Variants in SNAI3 observed in about 807,000 individuals in gnomAD.
SNAI3 encodes zinc finger protein SNAI3.
In SNAI3, 21 loss-of-function variants were observed where a neutral mutation model predicts 16.4. That is an observed-to-expected ratio of 1.28 (90% CI 0.91 to 1.85). SNAI3 has a LOEUF of 1.85. Among genes scored for constraint, SNAI3 ranks in the 40% most tolerant of loss-of-function variants. SNAI3 has a pLI of 0.00. For missense variants in SNAI3, 457 were observed against 372.8 expected (o/e 1.23, Z -1.86); for synonymous variants, 202 against 166.6 (o/e 1.21, Z -1.64).
In SNAI3 at chr16:88,681,500, G is replaced by T; in HGVS notation, c.291C>A (p.Ala97=). The part of the protein sequence containing the change: ...ALEVSEVDPR[A]SRAAIVPLKD... ...TGAGGGGTACAATGGCGGCCCGGCT[G>T]GCCCGAGGGTCGACCTCGCTGACTT... Residue 97 remains alanine (A), a synonymous_variant, in exon 2 of 3, where the codon GCC becomes GCA. Transcript: ENST00000332281. The surrounding 1 kb of genome is among the most constrained non-coding windows in gnomAD (Gnocchi z 5.4). The T allele has an allele frequency of 6.5e-7, 1 of 1,550,026 alleles. No homozygotes were observed. Among genetic ancestry groups the T allele is most frequent in the South Asian group, 1.2e-5 (1 of 82,680 alleles).
In SNAI3 at chr16:88,686,387, A is replaced by C. The variant is rs1567628715; in HGVS notation, c.20T>G (p.Val7Gly). 6.2e-7 allele frequency: 1 copy of C among 1,610,754 alleles called. No homozygotes were observed. ...GACCCTGTGGCTGGAGTGCGTTTTC[A>C]CCAGGAAGGAGCGCGGCATGTTCCC... MPRSFL[V>G]KTHSSHRVPN... Residue 7 changes from valine (V) to glycine (G), a missense_variant, in exon 1 of 3, where the codon GTG (valine) becomes GGG (glycine). Val to Gly is a moderately radical substitution (Grantham distance 109, BLOSUM62 -3). Transcript: ENST00000332281.
Position 88,681,975 on chromosome 16 carries a change from A to G in SNAI3, c.77-261T>C, listed in dbSNP as rs1473263452. Among the ~76,000 whole-genome samples the G allele has an allele frequency of 1.3e-5, 2 of 152,220 alleles. No homozygotes were observed. The highest frequency in any genetic ancestry group is 1.9e-4 in the East Asian group (1 of 5,174). ...AGCGAATCTCACTTCCTCTTTAAAC[A>G]CAAAGAAACATCTGACGGGACCCTT... On this transcript the variant is annotated intron_variant, in intron 1 of 2. Transcript: ENST00000332281. This position sits in a 1 kb window ranked among gnomAD's most constrained non-coding sequence, Gnocchi z 5.4.
intron 2 of SNAI3, chr16:88,679,123 T>C: frequency 1.0e-6 from 1 of 983,284 alleles, no homozygotes; most frequent in Non-Finnish European, 1.2e-6. Flanking sequence ...TTCATTCCTG[T>C]AGCCCCATAG....
Position 88,681,142 on chromosome 16 carries a change from C to A in SNAI3, c.649G>T (p.Ala217Ser), listed in dbSNP as rs1350468400. Residue 217 changes from alanine to serine, a missense_variant, in exon 2 of 3, where the codon GCC becomes TCC. By Grantham distance (99) the Ala-to-Ser change is moderately conservative. Transcript: ENST00000332281. This position sits in a 1 kb window ranked among gnomAD's most constrained non-coding sequence, Gnocchi z 5.4. ...TGCAGTAACCAGGGCCTGGAGAAGG[C>A]CTTGCCACAGATCTTGCAGGTGCAG... ...LPCTCKICGK[A>S]FSRPWLLQGH... The A allele has an allele frequency of 6.2e-7, 1 of 1,613,696 alleles. No individual in the cohort carries two copies. The highest frequency in any genetic ancestry group is 1.1e-5 in the South Asian group (1 of 91,086).
At chr16:88,683,141 A>G (rs949469367) in intron 1 of SNAI3, among the ~76,000 whole-genome samples, 1 of 132,920 alleles carries the variant, frequency 7.5e-6, no homozygotes, top group Non-Finnish European at 1.5e-5. Flanking sequence ...GCTGGAGTGC[A>G]GTGGCGTGAA....
chr16:88,679,693 C>T (rs981975881), intron 2 of SNAI3, among the ~76,000 whole-genome samples: 2 of 130,326 alleles, frequency 1.5e-5, no homozygotes, highest in South Asian at 2.7e-4. Flanking sequence ...ACCCAGGAGG[C>T]GGGGCTTGCA....
intron 1 of SNAI3, among the ~76,000 whole-genome samples, chr16:88,684,982 AGGGGAGCGGGGGC>A (rs1158739546): frequency 6.6e-6 from 1 of 151,934 alleles, no homozygotes; most frequent in East Asian, 1.9e-4. Context: ...TACAGTGAGG[AGGGGAGCGGGGGC>A]GGGGAGCAGA....
rs137881385 is a variant in SNAI3 at position 88,681,345 on chromosome 16, G to A, written c.446C>T (p.Pro149Leu). ...LLGAERMPRAPGGFECFHCHK... is the reference protein window; with the variant it reads ...LLGAERMPRALGGFECFHCHK... ...GCAGTGGAAGCACTCAAAGCCGCCCGGGGCTCGGGGCATCCGCTCAGCCCC... is the reference window on the plus strand; with the variant it reads ...GCAGTGGAAGCACTCAAAGCCGCCCAGGGCTCGGGGCATCCGCTCAGCCCC... The change falls in exon 2 of 3, where the codon CCG (proline) becomes CTG (leucine). Residue 149 changes from proline to leucine, a missense_variant. Coordinates refer to ENST00000332281, the MANE Select transcript of SNAI3 (RefSeq NM_178310.4). This position sits in a 1 kb window ranked among gnomAD's most constrained non-coding sequence, Gnocchi z 5.4. 11 of 1,612,766 alleles carry A rather than the reference G, an allele frequency of 6.8e-6. No individual in the cohort carries two copies. The highest frequency in any genetic ancestry group is 3.3e-5 in the Admixed American group (2 of 60,012).
At chr16:88,679,475 T>G (rs1909086033) in intron 2 of SNAI3, among the ~76,000 whole-genome samples, 1 of 152,082 alleles carries the variant, frequency 6.6e-6, no homozygotes, top group Non-Finnish European at 1.5e-5. Flanking sequence ...AAGTATGAAC[T>G]AGCAGGCCGG....
intron 1 of SNAI3, among the ~76,000 whole-genome samples, chr16:88,684,527 G>A (rs1597394548): frequency 1.3e-5 from 2 of 152,278 alleles, no homozygotes; most frequent in South Asian, 2.1e-4. Context: ...ACAGAGTCTC[G>A]CTCTGTCGCC....
chr16:88,686,160 C>T, intron 1 of SNAI3, 171 bp downstream of exon 1: 2 of 813,680 alleles, frequency 2.5e-6, no homozygotes, highest in Non-Finnish European at 1.8e-6. Context: ...GTGGAGGCGC[C>T]CGTGGGCCAC....
At chr16:88,686,070 G>GCTTAGAAAA (rs1035371502) in intron 1 of SNAI3, 7 of 501,696 alleles carry the variant, frequency 1.4e-5, no homozygotes, top group Non-Finnish European at 2.2e-5. Flanking sequence ...AGACTTGGGG[G>GCTTAGAAAA]CTTAGAAAAC....
chr16:88,681,073 C>G lies in SNAI3; in HGVS notation c.697+21G>C. The G allele has an allele frequency of 6.3e-7, 1 of 1,593,064 alleles. No homozygotes were observed. The highest frequency in any genetic ancestry group is 1.3e-5 in the African/African-American group (1 of 74,666). The stretch of plus-strand genomic sequence containing the variant: ...CTTCCCCCAGCCCAGACCGTCCTTG[C>G]AGACCTTCACCCTGTCCTACCTGTG... On this transcript the variant is annotated intron_variant, in intron 2 of 2. Transcript: ENST00000332281. This position sits in a 1 kb window ranked among gnomAD's most constrained non-coding sequence, Gnocchi z 5.4.
intron 2 of SNAI3, among the ~76,000 whole-genome samples, chr16:88,680,008 G>T (rs1437626197): frequency 6.6e-6 from 1 of 151,410 alleles, no homozygotes; most frequent in East Asian, 1.9e-4. Flanking sequence ...TTGAACCCAG[G>T]CAGTCAAAGC....
chr16:88,686,327 G>T lies in SNAI3; in HGVS notation c.76+4C>A. 6.2e-7 allele frequency: 1 copy of T among 1,610,980 alleles called. No homozygotes were observed. Among genetic ancestry groups the T allele is most frequent in the Non-Finnish European group, 8.5e-7 (1 of 1,179,330 alleles). On this transcript the variant is annotated splice_donor_region_variant and intron_variant, in intron 1 of 2. Coordinates refer to ENST00000332281, the MANE Select transcript of SNAI3 (RefSeq NM_178310.4). Reference sequence around the variant, plus strand: ...CAGGGGCTCGGGGATCGGGTAGTCAGTACCTCTCTGCGTCTCCAGCCGCCG... The same window carrying T: ...CAGGGGCTCGGGGATCGGGTAGTCATTACCTCTCTGCGTCTCCAGCCGCCG...
chr16:88,680,194 A>T (rs1428465293), intron 2 of SNAI3, among the ~76,000 whole-genome samples: 1 of 150,612 alleles, frequency 6.6e-6, no homozygotes, highest in African/African-American at 2.4e-5. Flanking sequence ...GCTGAGGTTG[A>T]CAGAAAGCCC....
At position 88,681,594 on chromosome 16, in the gene SNAI3, GCGA is replaced by G; in HGVS notation, c.194_196del (p.Val65del). 6.7e-7 allele frequency: 1 copy of G among 1,503,544 alleles called. No individual in the cohort carries two copies. Among genetic ancestry groups the G allele is most frequent in the Non-Finnish European group, 8.9e-7 (1 of 1,124,656 alleles). 93.1% of individuals were successfully genotyped at this position (1,503,544 alleles called of 1,614,324 possible). A position where few individuals can be genotyped will look rare whatever the true frequency, so the allele number is the denominator to read the frequency against. On this transcript the variant is annotated inframe_deletion, in exon 2 of 3. Coordinates refer to ENST00000332281, the MANE Select transcript of SNAI3 (RefSeq NM_178310.4). The surrounding 1 kb of genome is among the most constrained non-coding windows in gnomAD (Gnocchi z 5.4). Reference sequence around the variant, plus strand: ...TGGCAGGAGGGGCAGGGAGATGCAGGCGACGGCCGAGGAGCGGTCCCAGGGCTG... The same window carrying G: ...TGGCAGGAGGGGCAGGGAGATGCAGGCGGCCGAGGAGCGGTCCCAGGGCTG...
intron 1 of SNAI3, among the ~76,000 whole-genome samples, chr16:88,682,792 T>TTTA (rs1555545991): frequency 1.7e-5 from 2 of 119,502 alleles, no homozygotes; most frequent in African/African-American, 6.7e-5. Flanking sequence ...TTTTTTTTTT[T>TTTA]AGAGACGGAG....
rs374224978 is a variant in SNAI3 at position 88,680,319 on chromosome 16, C to G, written c.697+775G>C. ...TTTTTTTTTTTGAGACAGAGTCTCGCTCTGTCACCAGGCTGGAGGGCAGTG... is the reference window on the plus strand; with the variant it reads ...TTTTTTTTTTTGAGACAGAGTCTCGGTCTGTCACCAGGCTGGAGGGCAGTG... On this transcript the variant is annotated intron_variant, in intron 2 of 2. Transcript: ENST00000332281. Among the ~76,000 whole-genome samples, 25 of 118,396 alleles carry G rather than the reference C, an allele frequency of 2.1e-4. No individual in the cohort carries two copies. In the East Asian group the frequency reaches 3.5e-3, roughly 16 times the overall value. The allele number at this position is 118,396 out of a possible 152,430, so 77.7% of individuals were successfully genotyped here.
Sources: allele counts gnomAD v4.1 joint callset (sites outside exome capture counted in the v4.1 genomes callset), GRCh38; gene constraint gnomAD v4.1.1; non-coding constraint Gnocchi (gnomAD v3.1); transcripts MANE v1.5; gene names NCBI Gene and HGNC (gene_info 2026-07-23, HGNC 2026-07-21).